Variants in NELL1 observed in about 807,000 individuals in gnomAD.
The protein encoded by NELL1 is neural EGFL like 1, also known as protein kinase C-binding protein NELL1.
Under a neutral mutation model 107.4 loss-of-function variants are expected in NELL1, and 76 were observed. That is an observed-to-expected ratio of 0.71 (90% confidence interval 0.59 to 0.86). The LOEUF is 0.86. Among genes scored for constraint, NELL1 ranks in the 40% least tolerant of loss-of-function variants. The pLI, the probability that NELL1 is intolerant of heterozygous loss-of-function variation, is 0.00. For missense variants in NELL1, 1,024 were observed against 1,005.5 expected, an observed-to-expected ratio of 1.02 and a Z score of -0.25; for synonymous variants, 353 against 341.2, an observed-to-expected ratio of 1.03 and a Z score of -0.38.
chr11:20,808,057 G>A (rs1857421665), intron 3 of NELL1, among the ~76,000 whole-genome samples: 1 of 152,136 alleles, frequency 6.6e-6, no homozygotes, highest in African/African-American at 2.4e-5. Flanking sequence ...TGGCCAAGCT[G>A]GTACCTAAGC....
chr11:21,339,393 A>G (rs1217645358), intron 14 of NELL1, among the ~76,000 whole-genome samples: 1 of 152,214 alleles, frequency 6.6e-6, no homozygotes, highest in Non-Finnish European at 1.5e-5. Context: ...CAAAGGGAAC[A>G]GAGCACTGAC....
chr11:21,048,132 A>AT (rs5790155), intron 12 of NELL1, among the ~76,000 whole-genome samples: 33,133 of 151,010 alleles, frequency 0.22, 4,338 homozygotes, highest in African/African-American at 0.36. Flanking sequence ...GGAAACATCC[A>AT]TTTTTTTTTC....
chr11:20,820,210 A>T (rs7931420), intron 3 of NELL1, among the ~76,000 whole-genome samples: 2 of 152,142 alleles, frequency 1.3e-5, no homozygotes, highest in Admixed American at 1.3e-4. Context: ...AAAGCCTGAC[A>T]TAAGGTAACC....
intron 13 of NELL1, among the ~76,000 whole-genome samples, chr11:21,130,542 CA>C (rs1380382640): frequency 1.3e-5 from 2 of 152,170 alleles, no homozygotes; most frequent in African/African-American, 2.4e-5. Flanking sequence ...ACAGGGTAAA[CA>C]TGGCAACTCT....
chr11:21,513,025 G>A (rs1194980873), intron 15 of NELL1, among the ~76,000 whole-genome samples: 9 of 152,156 alleles, frequency 5.9e-5, no homozygotes, highest in Non-Finnish European at 1.0e-4. Context: ...AAAGCCAGTA[G>A]TCAAGGTGAT....
intron 12 of NELL1, among the ~76,000 whole-genome samples, chr11:20,997,040 A>G (rs1485347007): frequency 1.3e-5 from 2 of 152,200 alleles, no homozygotes; most frequent in Non-Finnish European, 2.9e-5. Flanking sequence ...ACTTTATCCT[A>G]AAGATGAGAG....
intron 15 of NELL1, among the ~76,000 whole-genome samples, chr11:21,449,866 A>G (rs571078025): frequency 4.6e-5 from 7 of 152,324 alleles, no homozygotes; most frequent in African/African-American, 1.4e-4. Flanking sequence ...TTGTCCCTAT[A>G]TAAGTAAATC....
At chr11:20,701,118 C>T (rs75905889) in intron 2 of NELL1, among the ~76,000 whole-genome samples, 13,690 of 152,146 alleles carry the variant, frequency 0.09, 825 homozygotes, top group Non-Finnish European at 0.13. Flanking sequence ...AGTTTACAGC[C>T]CCACCAACAG....
At chr11:20,902,992 G>T (rs1170941807) in intron 5 of NELL1, among the ~76,000 whole-genome samples, 1 of 151,908 alleles carries the variant, frequency 6.6e-6, no homozygotes, top group East Asian at 1.9e-4. Flanking sequence ...CTGAGAGGAG[G>T]AAATGGGAGT....
chr11:21,104,976 T>C (rs1403998293), intron 12 of NELL1, among the ~76,000 whole-genome samples: 1 of 152,166 alleles, frequency 6.6e-6, no homozygotes, highest in Non-Finnish European at 1.5e-5. Flanking sequence ...CTCACCCTCA[T>C]GACCTCATCT....
At chr11:21,480,120 T>C (rs531608474) in intron 15 of NELL1, among the ~76,000 whole-genome samples, 56 of 152,294 alleles carry the variant, frequency 3.7e-4, no homozygotes, top group African/African-American at 1.3e-3. Flanking sequence ...TTCGTGTCTC[T>C]CAAATTTAAC....
At chr11:20,972,346 G>T (rs1414991720) in intron 12 of NELL1, among the ~76,000 whole-genome samples, 1 of 152,126 alleles carries the variant, frequency 6.6e-6, no homozygotes, top group African/African-American at 2.4e-5. Context: ...ATTGTTCAGG[G>T]TGTGTGTCAA....
At chr11:21,044,563 A>G (rs1295867066) in intron 12 of NELL1, among the ~76,000 whole-genome samples, 2 of 152,122 alleles carry the variant, frequency 1.3e-5, no homozygotes, top group Non-Finnish European at 2.9e-5. Context: ...CAGAGCATGT[A>G]TATAAGTGAA....
intron 2 of NELL1, among the ~76,000 whole-genome samples, chr11:20,781,630 T>C (rs1333279419): frequency 5.3e-5 from 8 of 152,156 alleles, no homozygotes; most frequent in African/African-American, 1.7e-4. Context: ...TTCTAATTGA[T>C]GAGTAAAGAA....
chr11:21,356,251 A>T (rs1231460559), intron 14 of NELL1, among the ~76,000 whole-genome samples: 2 of 152,182 alleles, frequency 1.3e-5, no homozygotes, highest in African/African-American at 2.4e-5. Context: ...TCTGTTAACT[A>T]CTTGAGCCCT....
chr11:20,747,355 T>C (rs1856027655), intron 2 of NELL1, among the ~76,000 whole-genome samples: 1 of 152,202 alleles, frequency 6.6e-6, no homozygotes, highest in African/African-American at 2.4e-5. Flanking sequence ...GTCAGCAAGA[T>C]AACTAGGTCA....
chr11:21,236,007 G>A (rs978961543), intron 14 of NELL1, among the ~76,000 whole-genome samples: 1 of 151,980 alleles, frequency 6.6e-6, no homozygotes, highest in African/African-American at 2.4e-5. Flanking sequence ...CCATTACCTT[G>A]CCAGTCACAC....
intron 2 of NELL1, among the ~76,000 whole-genome samples, chr11:20,697,946 C>T (rs1189177970): frequency 1.3e-5 from 2 of 152,116 alleles, no homozygotes; most frequent in African/African-American, 2.4e-5. Flanking sequence ...GATGGAATTA[C>T]CCAAAGGGTT....
At chr11:21,572,906 A>G (rs1053017200) in intron 18 of NELL1, among the ~76,000 whole-genome samples, 3 of 151,934 alleles carry the variant, frequency 2.0e-5, no homozygotes, top group South Asian at 2.1e-4. Flanking sequence ...TAATTATGAT[A>G]TAAGTATCAT....
Sources: allele counts gnomAD v4.1 joint callset (sites outside exome capture counted in the v4.1 genomes callset), GRCh38; gene constraint gnomAD v4.1.1; transcripts MANE v1.5; gene names NCBI Gene and HGNC (gene_info 2026-07-23, HGNC 2026-07-21).